NKAIN2: variants seen among roughly 807,000 people sequenced by gnomAD.
The protein encoded by NKAIN2 is sodium/potassium-transporting ATPase subunit beta-1-interacting protein 2.
A neutral mutation model predicts 32.6 loss-of-function variants in NKAIN2; 14 were observed. The observed-to-expected ratio is 0.43, with a 90% confidence interval of 0.28 to 0.67. The LOEUF (loss-of-function observed/expected upper bound fraction) is 0.67. NKAIN2 is among the 30% of genes least tolerant of loss of function. The probability of loss-of-function intolerance (pLI) is 0.17; values close to 1 mark genes in which losing one functional copy is unlikely to be tolerated. For missense variants in NKAIN2, 198 were observed against 258.3 expected (o/e 0.77, Z 1.60); for synonymous variants, 80 against 87.2 (o/e 0.92, Z 0.46).
chr6:124,449,034 A>G (rs996176910), intron 3 of NKAIN2, among the ~76,000 whole-genome samples: 3 of 152,110 alleles, frequency 2.0e-5, no homozygotes, highest in Non-Finnish European at 4.4e-5. Flanking sequence ...CTTAATGACT[A>G]TGCTCCATAA....
intron 4 of NKAIN2, among the ~76,000 whole-genome samples, chr6:124,761,286 C>T (rs1044897500): frequency 1.2e-4 from 18 of 152,142 alleles, no homozygotes; most frequent in Admixed American, 3.3e-4. Context: ...CATGATGGTG[C>T]GGGGAGGCTA....
intron 1 of NKAIN2, among the ~76,000 whole-genome samples, chr6:124,223,568 G>C (rs1309823238): frequency 1.3e-5 from 2 of 152,102 alleles, no homozygotes; most frequent in African/African-American, 4.8e-5. Context: ...GCATCTTTCT[G>C]TGATTTAATC....
intron 3 of NKAIN2, among the ~76,000 whole-genome samples, chr6:124,360,075 A>T (rs1388790904): frequency 2.0e-5 from 3 of 151,980 alleles, no homozygotes; most frequent in East Asian, 1.9e-4. Flanking sequence ...TGGATTACGT[A>T]TATTGATTTG....
At chr6:124,294,721 T>A (rs1289982084) in intron 2 of NKAIN2, among the ~76,000 whole-genome samples, 1 of 152,114 alleles carries the variant, frequency 6.6e-6, no homozygotes, top group Non-Finnish European at 1.5e-5. Context: ...AAGGAAATAG[T>A]TGTCATTTTC....
At chr6:124,814,922 TAAC>T (rs1200814038) in intron 5 of NKAIN2, among the ~76,000 whole-genome samples, 2 of 151,888 alleles carry the variant, frequency 1.3e-5, no homozygotes, top group Non-Finnish European at 2.9e-5. Context: ...TCAATAATAA[TAAC>T]AACAGCAGCA....
chr6:123,980,082 G>A (rs577202481), intron 1 of NKAIN2, among the ~76,000 whole-genome samples: 9 of 152,274 alleles, frequency 5.9e-5, no homozygotes, highest in African/African-American at 1.9e-4. Flanking sequence ...ATTTGAATTT[G>A]ATCTTCATAT....
intron 1 of NKAIN2, among the ~76,000 whole-genome samples, chr6:124,154,028 T>C (rs976446580): frequency 6.6e-6 from 1 of 151,746 alleles, no homozygotes; most frequent in Non-Finnish European, 1.5e-5. Context: ...TGTTGAATTT[T>C]ATCAAATAAT....
At chr6:124,360,608 T>G (rs957293043) in intron 3 of NKAIN2, among the ~76,000 whole-genome samples, 2 of 151,944 alleles carry the variant, frequency 1.3e-5, no homozygotes, top group African/African-American at 4.8e-5. Context: ...TAAAGAAAAA[T>G]AAAAATAATC....
At chr6:124,297,929 CAA>C (rs1796130355) in intron 2 of NKAIN2, among the ~76,000 whole-genome samples, 1 of 152,096 alleles carries the variant, frequency 6.6e-6, no homozygotes. Flanking sequence ...TGCTTTTATA[CAA>C]GTCAGATAAA....
At chr6:123,867,679 C>T (rs982973325) in intron 1 of NKAIN2, among the ~76,000 whole-genome samples, 2 of 152,160 alleles carry the variant, frequency 1.3e-5, no homozygotes, top group African/African-American at 4.8e-5. Context: ...TTCCCTCATG[C>T]AAGAATGTAC....
chr6:124,057,761 A>G (rs1301408456), intron 1 of NKAIN2, among the ~76,000 whole-genome samples: 1 of 151,954 alleles, frequency 6.6e-6, no homozygotes, highest in African/African-American at 2.4e-5. Flanking sequence ...CAATTTAAAA[A>G]CAACCAGTGT....
At chr6:124,606,093 T>A (rs1423780036) in intron 3 of NKAIN2, among the ~76,000 whole-genome samples, 1 of 152,096 alleles carries the variant, frequency 6.6e-6, no homozygotes, top group Admixed American at 6.6e-5. Flanking sequence ...CCATTTTTTG[T>A]CACTTACACT....
At chr6:124,726,472 T>C (rs150251656) in intron 4 of NKAIN2, among the ~76,000 whole-genome samples, 32 of 151,690 alleles carry the variant, frequency 2.1e-4, no homozygotes, top group East Asian at 3.9e-4. Flanking sequence ...CGGCAGGGTA[T>C]TCCAACAGAC....
intron 4 of NKAIN2, among the ~76,000 whole-genome samples, chr6:124,680,358 A>T (rs1463825635): frequency 6.6e-6 from 1 of 152,144 alleles, no homozygotes; most frequent in African/African-American, 2.4e-5. Flanking sequence ...TGGAATTGAC[A>T]TCTAGTTTTA....
intron 2 of NKAIN2, among the ~76,000 whole-genome samples, chr6:124,310,578 C>T (rs1051837224): frequency 1.3e-5 from 2 of 151,914 alleles, no homozygotes; most frequent in Admixed American, 6.6e-5. Flanking sequence ...CCTTGGAGGA[C>T]GTTAGGAACC....
At chr6:123,915,874 T>C (rs1444465974) in intron 1 of NKAIN2, among the ~76,000 whole-genome samples, 1 of 152,172 alleles carries the variant, frequency 6.6e-6, no homozygotes, top group African/African-American at 2.4e-5. Context: ...AGAGAAAAAC[T>C]AATTCTATGT....
chr6:124,580,007 A>G (rs1304407324), intron 3 of NKAIN2, among the ~76,000 whole-genome samples: 2 of 152,208 alleles, frequency 1.3e-5, no homozygotes, highest in African/African-American at 4.8e-5. Context: ...CAAACACTCA[A>G]CAGAAATAAA....
chr6:124,519,769 A>G (rs1779052951), intron 3 of NKAIN2, among the ~76,000 whole-genome samples: 1 of 152,242 alleles, frequency 6.6e-6, no homozygotes, highest in South Asian at 2.1e-4. Context: ...AACATTGGCA[A>G]TTCTATTTTA....
chr6:124,158,616 C>T (rs1788108086), intron 1 of NKAIN2, among the ~76,000 whole-genome samples: 1 of 152,132 alleles, frequency 6.6e-6, no homozygotes, highest in South Asian at 2.1e-4. Flanking sequence ...TATTTATCCC[C>T]TGCCTATCCC....
Sources: allele counts gnomAD v4.1 joint callset (sites outside exome capture counted in the v4.1 genomes callset), GRCh38; gene constraint gnomAD v4.1.1; transcripts MANE v1.5; gene names NCBI Gene and HGNC (gene_info 2026-07-23, HGNC 2026-07-21).